The following MMP20 variants were observed in gnomAD, a reference collection of about 807,000 sequenced individuals.
MMP20 encodes the protein matrix metallopeptidase 20.
In MMP20, 50 loss-of-function variants were observed where a neutral mutation model predicts 51.8. The observed-to-expected ratio is 0.97, with a 90% CI of 0.77 to 1.22. The LOEUF is 1.22. Among genes scored for constraint, MMP20 ranks in the 50% most tolerant of loss-of-function variants. The pLI is 0.00. For synonymous variants in MMP20, 244 were observed against 216.2 expected (o/e 1.13, Z -1.13); for missense variants, 663 against 601.4 (o/e 1.10, Z -1.07).
chr11:102,623,956 G>A (rs913958892), intron 1 of MMP20, among the ~76,000 whole-genome samples: 1 of 152,192 alleles, frequency 6.6e-6, no homozygotes, highest in African/African-American at 2.4e-5. Flanking sequence ...GAGTTATTTT[G>A]AATTTAGTTC....
intron 1 of MMP20, among the ~76,000 whole-genome samples, chr11:102,623,673 G>T (rs1411106670): frequency 6.6e-6 from 1 of 152,188 alleles, no homozygotes; most frequent in Non-Finnish European, 1.5e-5. Context: ...GCTAACCTCT[G>T]CCATTGTGGC....
chr11:102,585,990 G>C (rs1859250306), intron 8 of MMP20, among the ~76,000 whole-genome samples: 1 of 152,040 alleles, frequency 6.6e-6, no homozygotes, highest in Admixed American at 6.6e-5. Flanking sequence ...TACGTTGCTG[G>C]ATTTAGGTTG....
chr11:102,620,726 T>G (rs1027589566), intron 1 of MMP20, among the ~76,000 whole-genome samples: 1 of 152,190 alleles, frequency 6.6e-6, no homozygotes, highest in East Asian at 1.9e-4. Context: ...AGGGTGAAAC[T>G]TAAGGTACAT....
chr11:102,605,485 A>C (rs761971151), intron 6 of MMP20: 1 of 151,856 alleles, frequency 6.6e-6, no homozygotes, highest in African/African-American at 2.4e-5. Context: ...CCCCAAAAGC[A>C]TACAAGATAA....
Position 102,610,478 on chromosome 11 carries a change from A to C in MMP20, c.524-448T>G, listed in dbSNP as rs77391523. ...TGATTCAGCTGAGACAGTGATAGTGAATTGAACAAGTGTGTGCTTTCTGTT... is the reference window on the plus strand; with the variant it reads ...TGATTCAGCTGAGACAGTGATAGTGCATTGAACAAGTGTGTGCTTTCTGTT... On this transcript the variant is annotated intron_variant, in intron 3 of 9. Transcript: ENST00000260228. Among the ~76,000 whole-genome samples the C allele has an allele frequency of 6.7e-3, 1,025 of 152,266 alleles. 16 individuals carry two copies. Among genetic ancestry groups the C allele is most frequent in the African/African-American group, 0.023 (976 of 41,546 alleles).
intron 8 of MMP20, among the ~76,000 whole-genome samples, chr11:102,587,949 T>C (rs567810565): frequency 1.4e-3 from 208 of 152,280 alleles, no homozygotes; most frequent in African/African-American, 4.8e-3. Context: ...CATTTAATGT[T>C]ATTGATAAAG....
At chr11:102,603,733 G>T (rs1859477436) in intron 6 of MMP20, among the ~76,000 whole-genome samples, 1 of 152,176 alleles carries the variant, frequency 6.6e-6, no homozygotes, top group Non-Finnish European at 1.5e-5. Flanking sequence ...CCTGCTTATA[G>T]CTCGTTCTAG....
intron 6 of MMP20, among the ~76,000 whole-genome samples, chr11:102,595,189 A>T (rs962047867): frequency 6.6e-6 from 1 of 152,092 alleles, no homozygotes; most frequent in African/African-American, 2.4e-5. Flanking sequence ...GGCCTCCCAA[A>T]GTGCTGGGAT....
intron 1 of MMP20, among the ~76,000 whole-genome samples, chr11:102,624,832 G>A (rs1045424285): frequency 2.0e-5 from 3 of 152,168 alleles, no homozygotes; most frequent in Admixed American, 6.5e-5. Context: ...TGCCTCTAGC[G>A]TGTGGATTAT....
intron 3 of MMP20, among the ~76,000 whole-genome samples, chr11:102,610,321 C>A (rs1035562145): frequency 7.0e-6 from 1 of 142,938 alleles, no homozygotes; most frequent in African/African-American, 2.5e-5. Context: ...ATACTGTGGA[C>A]TTTGCATGTG....
intron 8 of MMP20, chr11:102,583,402 T>C (rs1423200152): frequency 6.6e-6 from 1 of 152,214 alleles, no homozygotes; most frequent in African/African-American, 2.4e-5. Context: ...AGTGGTCCCA[T>C]AAGATTATAA....
At chr11:102,581,839 A>G (rs964541425) in intron 8 of MMP20, among the ~76,000 whole-genome samples, 6 of 152,242 alleles carry the variant, frequency 3.9e-5, no homozygotes, top group Non-Finnish European at 7.3e-5. Flanking sequence ...CCAGCCATCA[A>G]GAAATAGTAA....
intron 6 of MMP20, among the ~76,000 whole-genome samples, chr11:102,604,682 A>G (rs1711429): frequency 0.43 from 65,240 of 151,998 alleles, 14,240 homozygotes; most frequent in South Asian, 0.58. Context: ...TTTAGTTCAA[A>G]CTGTTTCTAA....
At chr11:102,597,398 C>T (rs1859394537) in intron 6 of MMP20, among the ~76,000 whole-genome samples, 1 of 152,160 alleles carries the variant, frequency 6.6e-6, no homozygotes, top group Non-Finnish European at 1.5e-5. Context: ...GTGGTAGACT[C>T]TCAAATTCCT....
chr11:102,582,424 G>T (rs1859207882), intron 8 of MMP20, among the ~76,000 whole-genome samples: 1 of 152,202 alleles, frequency 6.6e-6, no homozygotes, highest in African/African-American at 2.4e-5. Context: ...TTCTCAAGGT[G>T]ACCTTTCCAG....
chr11:102,594,873 T>TCTTGC (rs1483212225), intron 6 of MMP20, 116 bp from the exon 7 acceptor site: 12 of 1,324,012 alleles, frequency 9.1e-6, no homozygotes, highest in African/African-American at 3.0e-5. Flanking sequence ...TGCCCTTTGC[T>TCTTGC]CTTGCCTTGC....
chr11:102,620,088 A>T (rs1484370209), intron 1 of MMP20, among the ~76,000 whole-genome samples: 1 of 151,212 alleles, frequency 6.6e-6, no homozygotes, highest in Non-Finnish European at 1.5e-5. Context: ...ATTTCTTATC[A>T]CTCTCACCTG....
At chr11:102,592,684 G>A (rs899008038) in intron 8 of MMP20, among the ~76,000 whole-genome samples, 1 of 152,132 alleles carries the variant, frequency 6.6e-6, no homozygotes, top group Non-Finnish European at 1.5e-5. Context: ...ATCTGCTTTT[G>A]CTTTTCTCTT....
intron 2 of MMP20, among the ~76,000 whole-genome samples, chr11:102,615,981 C>T (rs896210471): frequency 2.6e-5 from 4 of 152,052 alleles, no homozygotes; most frequent in African/African-American, 9.7e-5. Context: ...AGGAAGTCTG[C>T]GCTGGCTCCC....
Sources: gnomAD v4.1 joint callset for allele counts (sites outside exome capture counted in the v4.1 genomes callset) on GRCh38, gnomAD v4.1.1 for gene constraint, MANE v1.5 for transcripts, NCBI Gene and HGNC (gene_info 2026-07-23, HGNC 2026-07-21) for gene names.